The following GPHN variants were observed in gnomAD, a reference collection of about 807,000 sequenced individuals.
The protein encoded by GPHN is gephyrin.
GPHN carries 17 observed loss-of-function variants against 95.5 expected under a neutral mutation model. The ratio of observed to expected loss-of-function variants is 0.18; its 90% CI spans 0.12 to 0.27. The LOEUF is 0.27. GPHN is among the 10% of genes least tolerant of loss of function. GPHN has a pLI of 1.00. For missense variants in GPHN, 660 were observed against 978.1 expected (o/e 0.67, Z 4.34); for synonymous variants, 320 against 322.5 (o/e 0.99, Z 0.08).
chr14:66,918,664 T>G (rs2153559417), intron 6 of GPHN, among the ~76,000 whole-genome samples: 1 of 152,262 alleles, frequency 6.6e-6, no homozygotes, highest in East Asian at 1.9e-4. Context: ...ATTCCTGAAC[T>G]GCAGTCTAAC....
the GPHN span, among the ~76,000 whole-genome samples, chr14:67,538,118 A>G: frequency 6.6e-6 from 1 of 151,844 alleles, no homozygotes; most frequent in Non-Finnish European, 1.5e-5. Flanking sequence ...ATAAAAATAG[A>G]AAAAAAAATT....
At chr14:67,448,000 G>A in the GPHN span, 1 of 152,058 alleles carries the variant, frequency 6.6e-6, no homozygotes, top group Non-Finnish European at 1.5e-5. Context: ...CACCACTTGG[G>A]GGAGAGCTTC....
chr14:67,412,201 G>A, the GPHN span: 1 of 607,034 alleles, frequency 1.6e-6, no homozygotes, highest in Non-Finnish European at 2.6e-6. Context: ...TCCCTGGCGC[G>A]TGTCCAGAGC....
At chr14:67,172,332 T>C (rs1300635393) in intron 21 of GPHN, among the ~76,000 whole-genome samples, 3 of 152,106 alleles carry the variant, frequency 2.0e-5, no homozygotes, top group Non-Finnish European at 4.4e-5. Flanking sequence ...CTCAGAGCAG[T>C]CATGCATCCC....
chr14:66,785,465 CAGAG>C (rs1323195062), intron 3 of GPHN, among the ~76,000 whole-genome samples: 1 of 151,954 alleles, frequency 6.6e-6, no homozygotes, highest in African/African-American at 2.4e-5. Flanking sequence ...ATTCTGGAGA[CAGAG>C]AGGACATCCC....
At chr14:66,725,292 C>T (rs1418057773) in intron 2 of GPHN, among the ~76,000 whole-genome samples, 1 of 152,176 alleles carries the variant, frequency 6.6e-6, no homozygotes, top group African/African-American at 2.4e-5. Flanking sequence ...ATGTTGGACA[C>T]CTGTCAAGTT....
At chr14:66,969,343 G>A (rs1050502767) in intron 9 of GPHN, 4 of 152,132 alleles carry the variant, frequency 2.6e-5, no homozygotes, top group African/African-American at 4.8e-5. Context: ...AAGAAGTATA[G>A]ACAATATCTA....
chr14:67,168,478 G>A (rs2082408986), intron 20 of GPHN, among the ~76,000 whole-genome samples: 1 of 152,038 alleles, frequency 6.6e-6, no homozygotes, highest in Non-Finnish European at 1.5e-5. Context: ...TATCCAGGTA[G>A]AGAAGATTAT....
the GPHN span, among the ~76,000 whole-genome samples, chr14:67,435,631 G>A: frequency 2.0e-5 from 3 of 152,168 alleles, no homozygotes; most frequent in Admixed American, 2.0e-4. Flanking sequence ...GAGGTCACTG[G>A]AAGCAATAAC....
chr14:66,863,528 A>G (rs189952399), intron 4 of GPHN, among the ~76,000 whole-genome samples: 1 of 152,194 alleles, frequency 6.6e-6, no homozygotes, highest in Non-Finnish European at 1.5e-5. Flanking sequence ...CTAAGCAAAA[A>G]GAACAAAACT....
At chr14:67,515,871 C>A in the GPHN span, among the ~76,000 whole-genome samples, 1 of 152,210 alleles carries the variant, frequency 6.6e-6, no homozygotes, top group South Asian at 2.1e-4. Flanking sequence ...CATGTAAGGT[C>A]ATTTGTTTAT....
chr14:66,760,281 T>A (rs1445433197), intron 2 of GPHN, among the ~76,000 whole-genome samples: 1 of 152,216 alleles, frequency 6.6e-6, no homozygotes, highest in Non-Finnish European at 1.5e-5. Context: ...TTTTAATAAA[T>A]AGATAAAATT....
chr14:67,057,750 G>T (rs1380302284), intron 10 of GPHN, among the ~76,000 whole-genome samples: 1 of 151,252 alleles, frequency 6.6e-6, no homozygotes, highest in Non-Finnish European at 1.5e-5. Context: ...CTGCTGGACT[G>T]TTACATTCTT....
the GPHN span, chr14:67,569,322 C>T: frequency 2.9e-5 from 22 of 750,850 alleles, no homozygotes; most frequent in East Asian, 1.0e-4. Flanking sequence ...GGTTGGCTGG[C>T]CTACCCTGTT....
the GPHN span, among the ~76,000 whole-genome samples, chr14:67,190,823 T>TG: frequency 6.6e-6 from 1 of 152,202 alleles, no homozygotes; most frequent in African/African-American, 2.4e-5. Flanking sequence ...GTAAGAATCT[T>TG]GGGAAAAATC....
At chr14:66,711,983 T>G (rs931187218) in intron 2 of GPHN, among the ~76,000 whole-genome samples, 15 of 152,300 alleles carry the variant, frequency 9.8e-5, no homozygotes, top group African/African-American at 3.4e-4. Context: ...CTTAATCCAG[T>G]CTATCATTGA....
At chr14:67,323,706 T>G in the GPHN span, 2 of 1,543,460 alleles carry the variant, frequency 1.3e-6, no homozygotes, top group Non-Finnish European at 1.8e-6. Flanking sequence ...TTACAGTCAT[T>G]GAAGACTCTC....
the GPHN span, among the ~76,000 whole-genome samples, chr14:67,478,195 C>T: frequency 6.6e-6 from 1 of 152,232 alleles, no homozygotes. Context: ...GTGGACTTGC[C>T]TGGGCATATT....
At chr14:67,461,126 G>T in the GPHN span, among the ~76,000 whole-genome samples, 4 of 152,194 alleles carry the variant, frequency 2.6e-5, no homozygotes, top group Non-Finnish European at 4.4e-5. Flanking sequence ...ATGCTTGCTG[G>T]AGTGGCATCT....
Sources: allele counts gnomAD v4.1 joint callset (sites outside exome capture counted in the v4.1 genomes callset), GRCh38; gene constraint gnomAD v4.1.1; transcripts MANE v1.5; gene names NCBI Gene and HGNC (gene_info 2026-07-23, HGNC 2026-07-21).